PAAF1: variants seen among roughly 807,000 people sequenced by gnomAD.
The protein encoded by PAAF1 is proteasomal ATPase associated factor 1, also known as proteasomal ATPase-associated factor 1.
In PAAF1, 46 loss-of-function variants were observed where a neutral mutation model predicts 52.8. That is an observed-to-expected ratio of 0.87 (90% CI 0.69 to 1.11). The LOEUF (loss-of-function observed/expected upper bound fraction) is 1.11, where lower values mean the gene tolerates loss of function less well. Ranked by LOEUF, PAAF1 falls within the 50% of genes most tolerant of loss-of-function variation. PAAF1 has a pLI of 0.00. For missense variants in PAAF1, 424 were observed against 477.4 expected (o/e 0.89, Z 1.04); for synonymous variants, 178 against 172.8 (o/e 1.03, Z -0.24).
At chr11:73,909,316 G>A (rs1477749057) in intron 6 of PAAF1, 83 bp from the exon 7 acceptor site, 18 of 1,256,514 alleles carry the variant, frequency 1.4e-5, no homozygotes, top group Non-Finnish European at 1.9e-5. Flanking sequence ...AAGGGATGGA[G>A]TCATTTATGC....
chr11:73,889,021 A>G (rs969452319), intron 3 of PAAF1: 23 of 535,188 alleles, frequency 4.3e-5, no homozygotes, highest in African/African-American at 3.6e-4. Flanking sequence ...AGAGAGGTTA[A>G]TTAATCTCAA....
intron 2 of PAAF1, among the ~76,000 whole-genome samples, chr11:73,885,455 T>C (rs1949036019): frequency 1.3e-5 from 2 of 152,004 alleles, no homozygotes; most frequent in African/African-American, 4.8e-5. Context: ...TTTCTTTTAT[T>C]CTTGATATGC....
intron 3 of PAAF1, chr11:73,889,303 A>G (rs1949141268): frequency 9.7e-7 from 1 of 1,035,758 alleles, no homozygotes; most frequent in African/African-American, 1.6e-5. Context: ...TCACTTTGCT[A>G]ATTTGATATT....
intron 11 of PAAF1, among the ~76,000 whole-genome samples, chr11:73,925,814 TA>T (rs1377446903): frequency 6.6e-6 from 1 of 152,194 alleles, no homozygotes; most frequent in East Asian, 1.9e-4. Flanking sequence ...TTAATATCTG[TA>T]AAAGTTCAAA....
chr11:73,880,245 A>C (rs1448741598), intron 2 of PAAF1: 1 of 152,128 alleles, frequency 6.6e-6, no homozygotes, highest in Non-Finnish European at 1.5e-5. Flanking sequence ...ACCCTGGACC[A>C]GAAAGTGAGA....
At chr11:73,899,616 C>T (rs561978747) in intron 5 of PAAF1, among the ~76,000 whole-genome samples, 6 of 152,044 alleles carry the variant, frequency 3.9e-5, no homozygotes, top group South Asian at 2.1e-4. Flanking sequence ...TTCGCCATGT[C>T]GGCCAGGCTG....
chr11:73,908,407 A>ATG (rs1487342007), intron 6 of PAAF1, among the ~76,000 whole-genome samples: 1 of 142,306 alleles, frequency 7.0e-6, no homozygotes, highest in Non-Finnish European at 1.5e-5. Flanking sequence ...ATGTGTATAT[A>ATG]TATGTGTGTA....
intron 5 of PAAF1, among the ~76,000 whole-genome samples, 164 bp downstream of exon 5, chr11:73,899,408 C>CTTTTTTTTTT (rs71065053): frequency 1.2e-4 from 12 of 101,222 alleles, no homozygotes; most frequent in African/African-American, 2.3e-4. Flanking sequence ...TTCTTTTTCT[C>CTTTTTTTTTT]TTTTTTTTTT....
intron 2 of PAAF1, among the ~76,000 whole-genome samples, chr11:73,883,237 G>A (rs1948965799): frequency 6.6e-6 from 1 of 152,090 alleles, no homozygotes; most frequent in African/African-American, 2.4e-5. Context: ...GGGACTCTAG[G>A]TGTGATCCAC....
At chr11:73,920,226 T>A (rs775196655) in intron 10 of PAAF1, among the ~76,000 whole-genome samples, 3 of 151,732 alleles carry the variant, frequency 2.0e-5, no homozygotes, top group African/African-American at 7.3e-5. Flanking sequence ...ATTTTTTATA[T>A]ATTTTTTTAA....
At chr11:73,916,727 T>C in intron 9 of PAAF1, 67 bp downstream of exon 9, 1 of 1,096,964 alleles carries the variant, frequency 9.1e-7, no homozygotes, top group Non-Finnish European at 1.4e-6. Context: ...GGCTTTAACA[T>C]TGATTTAGCC....
chr11:73,886,672 CAAAAAAAAAAAAAA>C (rs55697916), intron 2 of PAAF1, among the ~76,000 whole-genome samples: 2 of 34,284 alleles, frequency 5.8e-5, no homozygotes, highest in Non-Finnish European at 1.3e-4. Flanking sequence ...GACTCCATCT[CAAAAAAAAAAAAAA>C]AAAAAAAAAA....
chr11:73,885,147 CT>C (rs1175807223), intron 2 of PAAF1, among the ~76,000 whole-genome samples: 2 of 138,664 alleles, frequency 1.4e-5, no homozygotes, highest in South Asian at 2.3e-4. Flanking sequence ...GCGTGATATT[CT>C]TTTTTTTTGA....
At chr11:73,909,651 G>A in intron 7 of PAAF1, 58 bp downstream of exon 7, 5 of 1,507,364 alleles carry the variant, frequency 3.3e-6, no homozygotes. Context: ...TTCAGTGATT[G>A]CCTTAGTTTC....
chr11:73,917,870 CAAA>C (rs755799652), intron 9 of PAAF1, among the ~76,000 whole-genome samples: 7 of 105,342 alleles, frequency 6.6e-5, no homozygotes, highest in Admixed American at 2.0e-4. Context: ...GACTCTATCT[CAAA>C]AAAAAAAAAA....
At chr11:73,895,278 G>A (rs1471400307) in intron 4 of PAAF1, among the ~76,000 whole-genome samples, 1 of 152,208 alleles carries the variant, frequency 6.6e-6, no homozygotes, top group African/African-American at 2.4e-5. Context: ...ATTGGAGGAG[G>A]AGGAGTTGTA....
At chr11:73,918,824 G>T in intron 9 of PAAF1, 126 bp from the exon 10 acceptor site, 1 of 717,860 alleles carries the variant, frequency 1.4e-6, no homozygotes, top group Non-Finnish European at 2.3e-6. Flanking sequence ...AGAAACCATA[G>T]AAATGTTTAA....
chr11:73,902,147 C>T (rs1165419056), intron 6 of PAAF1, among the ~76,000 whole-genome samples: 1 of 152,142 alleles, frequency 6.6e-6, no homozygotes, highest in Non-Finnish European at 1.5e-5. Flanking sequence ...CAGGTATGAG[C>T]CACTGCGCCT....
At position 73,917,016 on chromosome 11, in the gene PAAF1, T is replaced by TTTTA. The variant is rs958086016; in HGVS notation, c.935+372_935+375dup. Among the ~76,000 whole-genome samples, 7 of 152,168 alleles carry TTTTA rather than the reference T, an allele frequency of 4.6e-5. No individual in the cohort carries two copies. The South Asian group carries it at 6.2e-4, about 14-fold the overall frequency. On this transcript the variant is annotated intron_variant, in intron 9 of 11. Transcript: ENST00000310571. ...CCCTAAGATTGAAAGATTGAATTAT[T>TTTTA]TTTATTTATTTATTTATTTTTTGAG...
Sources: allele counts gnomAD v4.1 joint callset (sites outside exome capture counted in the v4.1 genomes callset), GRCh38; gene constraint gnomAD v4.1.1; transcripts MANE v1.5; gene names NCBI Gene and HGNC (gene_info 2026-07-23, HGNC 2026-07-21).